Variants in SPAG6 observed in about 807,000 individuals in gnomAD.
SPAG6 encodes the protein sperm associated antigen 6.
SPAG6 carries 49 observed loss-of-function variants against 58.5 expected under a neutral mutation model. The ratio of observed to expected loss-of-function variants is 0.84; its 90% CI spans 0.67 to 1.06. The LOEUF is 1.06. SPAG6 is among the 50% of genes least tolerant of loss of function. SPAG6 has a pLI of 0.00. For synonymous variants in SPAG6, 233 were observed against 225.6 expected (o/e 1.03, Z -0.29); for missense variants, 560 against 611.3 (o/e 0.92, Z 0.89).
At chr10:22,364,164 A>G (rs1181168737) in intron 2 of SPAG6, among the ~76,000 whole-genome samples, 1 of 137,268 alleles carries the variant, frequency 7.3e-6, no homozygotes, top group African/African-American at 3.3e-5. Flanking sequence ...TTGTGTGACA[A>G]TTAACCTTTC....
intron 2 of SPAG6, among the ~76,000 whole-genome samples, chr10:22,363,123 C>G (rs1837090003): frequency 6.6e-6 from 1 of 152,090 alleles, no homozygotes; most frequent in South Asian, 2.1e-4. Context: ...GTACTTAACT[C>G]AACTGAACTG....
chr10:22,365,613 C>A (rs1239332119), intron 3 of SPAG6, among the ~76,000 whole-genome samples: 3 of 152,092 alleles, frequency 2.0e-5, no homozygotes, highest in Non-Finnish European at 2.9e-5. Context: ...TAGTTAAGGA[C>A]CACTTGTAGG....
chr10:22,396,760 G>T (rs942626959), intron 8 of SPAG6, among the ~76,000 whole-genome samples: 1 of 152,240 alleles, frequency 6.6e-6, no homozygotes, highest in Admixed American at 6.5e-5. Context: ...CCTAATCAGG[G>T]AGGATACAGT....
chr10:22,407,260 T>C (rs1195368598), intron 9 of SPAG6, among the ~76,000 whole-genome samples: 1 of 152,150 alleles, frequency 6.6e-6, no homozygotes, highest in Non-Finnish European at 1.5e-5. Flanking sequence ...TGGCATGATT[T>C]TGCAGCAGCT....
At chr10:22,409,589 A>G (rs1834674291) in intron 9 of SPAG6, among the ~76,000 whole-genome samples, 1 of 152,188 alleles carries the variant, frequency 6.6e-6, no homozygotes, top group South Asian at 2.1e-4. Context: ...GGAATGAGTG[A>G]ATATAGTCTG....
At chr10:22,359,100 C>T (rs182441840) in intron 2 of SPAG6, among the ~76,000 whole-genome samples, 1 of 152,276 alleles carries the variant, frequency 6.6e-6, no homozygotes, top group Admixed American at 6.5e-5. Context: ...TGTAACCTTC[C>T]TTCTATTTGT....
Position 22,345,709 on chromosome 10 carries a change from T to C in SPAG6, c.26-14T>C, listed in dbSNP as rs1476715895. ...CCCGGGTGCGGTGGGCTCCACCGAC[T>C]CTCTCTCCCGCAGTGTTCGAGCAAT... is the stretch of plus-strand genomic sequence containing the variant. On this transcript the variant is annotated splice_polypyrimidine_tract_variant and intron_variant, in intron 1 of 10. Transcript: ENST00000376624. This position sits in a 1 kb window ranked among gnomAD's most constrained non-coding sequence, Gnocchi z 6.3. 1.2e-6 allele frequency: 2 copies of C among 1,607,470 alleles called. No individual in the cohort carries two copies. The highest frequency in any genetic ancestry group is 2.2e-5 in the South Asian group (2 of 89,942).
chr10:22,345,920 G>A lies in SPAG6; in HGVS notation c.121+102G>A. On this transcript the variant is annotated intron_variant, in intron 2 of 10. Transcript: ENST00000376624. The surrounding 1 kb of genome is among the most constrained non-coding windows in gnomAD (Gnocchi z 6.3). ...GGAGCTCTTGGGGAGCCGCAGTGTG[G>A]GGACCGGAGTTCGCAAAAGCATCCA... 1 of 1,572,096 alleles carries A rather than the reference G, an allele frequency of 6.4e-7. No homozygotes were observed. The highest frequency in any genetic ancestry group is 8.6e-7 in the Non-Finnish European group (1 of 1,159,112).
chr10:22,407,913 C>G (rs918981297), intron 9 of SPAG6, among the ~76,000 whole-genome samples: 15 of 150,720 alleles, frequency 1.0e-4, no homozygotes, highest in African/African-American at 3.7e-4. Flanking sequence ...GATACCCTTT[C>G]TTCCAGTTGA....
intron 8 of SPAG6, among the ~76,000 whole-genome samples, chr10:22,397,224 G>GCA (rs963866822): frequency 1.3e-5 from 2 of 151,532 alleles, no homozygotes; most frequent in Admixed American, 6.6e-5. Flanking sequence ...ACACACACAC[G>GCA]CACACACACA....
intron 8 of SPAG6, among the ~76,000 whole-genome samples, chr10:22,395,841 G>A (rs1408794181): frequency 1.3e-5 from 2 of 152,038 alleles, no homozygotes; most frequent in African/African-American, 4.8e-5. Context: ...ATTACTCTTT[G>A]GACCACAATG....
chr10:22,348,522 A>C (rs1219580828), intron 2 of SPAG6, among the ~76,000 whole-genome samples: 1 of 152,152 alleles, frequency 6.6e-6, no homozygotes, highest in African/African-American at 2.4e-5. Flanking sequence ...TTTCCCTCCA[A>C]TATGCTAAGT....
chr10:22,413,575 T>C (rs1320359098), intron 10 of SPAG6, among the ~76,000 whole-genome samples: 1 of 151,866 alleles, frequency 6.6e-6, no homozygotes, highest in Non-Finnish European at 1.5e-5. Context: ...AAAATACCAT[T>C]GTAAATTTTT....
At chr10:22,400,587 G>T (rs1418572003) in intron 8 of SPAG6, among the ~76,000 whole-genome samples, 1 of 151,700 alleles carries the variant, frequency 6.6e-6, no homozygotes, top group Non-Finnish European at 1.5e-5. Flanking sequence ...AAGATCTGTA[G>T]TTGAGTAGAT....
At chr10:22,409,809 T>G (rs1348410960) in intron 9 of SPAG6, among the ~76,000 whole-genome samples, 1 of 152,124 alleles carries the variant, frequency 6.6e-6, no homozygotes, top group Non-Finnish European at 1.5e-5. Context: ...TCATAATAAA[T>G]TTCTTCATTT....
Position 22,416,122 on chromosome 10 carries a change from G to T in SPAG6, c.1461-497G>T, listed in dbSNP as rs536157685. Among the ~76,000 whole-genome samples, 10 of 152,102 alleles carry T rather than the reference G, an allele frequency of 6.6e-5. No individual in the cohort carries two copies. In the South Asian group the frequency reaches 2.1e-3, roughly 32 times the overall value. The stretch of plus-strand genomic sequence containing the variant: ...ATTTTATTAAATAGTTTTTCAATAT[G>T]AATTATACTTCCAGAAATTTTTGTT... On this transcript the variant is annotated intron_variant, in intron 10 of 10. Transcript: ENST00000376624.
At chr10:22,388,852 T>C (rs1834123684) in intron 6 of SPAG6, among the ~76,000 whole-genome samples, 1 of 152,138 alleles carries the variant, frequency 6.6e-6, no homozygotes, top group Non-Finnish European at 1.5e-5. Context: ...TTTCAGTAGT[T>C]AGTTATGAAC....
chr10:22,361,694 GA>G (rs572259476), intron 2 of SPAG6, among the ~76,000 whole-genome samples: 5 of 151,402 alleles, frequency 3.3e-5, no homozygotes, highest in South Asian at 4.2e-4. Flanking sequence ...CGTCTCAAAA[GA>G]AAAAAAAGTT....
Position 22,345,981 on chromosome 10 carries a change from G to C in SPAG6, c.121+163G>C. The C allele has an allele frequency of 6.5e-7, 1 of 1,549,194 alleles. No individual in the cohort carries two copies. The highest frequency in any genetic ancestry group is 8.7e-7 in the Non-Finnish European group (1 of 1,146,426). ...CGGGTCTTTGGGGGTCAGGCCGAGA[G>C]GGTGAAGCTTCCAGATGGTTGTGGG... On this transcript the variant is annotated intron_variant, in intron 2 of 10. Transcript: ENST00000376624. This position sits in a 1 kb window ranked among gnomAD's most constrained non-coding sequence, Gnocchi z 6.3.
Sources: gnomAD v4.1 joint callset for allele counts (sites outside exome capture counted in the v4.1 genomes callset) on GRCh38, gnomAD v4.1.1 for gene constraint, Gnocchi (gnomAD v3.1) non-coding constraint, MANE v1.5 for transcripts, NCBI Gene and HGNC (gene_info 2026-07-23, HGNC 2026-07-21) for gene names.